The following ORAI2 variants were observed in gnomAD, a reference collection of about 807,000 sequenced individuals.
ORAI2 encodes protein orai-2.
Under a neutral mutation model 16.2 loss-of-function variants are expected in ORAI2, and 10 were observed. The observed-to-expected ratio is 0.62, with a 90% CI of 0.38 to 1.04. The LOEUF (loss-of-function observed/expected upper bound fraction) is 1.04, where lower values mean the gene tolerates loss of function less well. ORAI2 is among the 50% of genes least tolerant of loss of function. The pLI, the probability that ORAI2 is intolerant of heterozygous loss-of-function variation, is 0.01. For synonymous variants in ORAI2, 150 were observed against 157.5 expected, an observed-to-expected ratio of 0.95 and a Z score of 0.35; for missense variants, 238 against 355.5, an observed-to-expected ratio of 0.67 and a Z score of 2.66.
At chr7:102,444,503 C>CCCG (rs1554576552) in intron 3 of ORAI2, among the ~76,000 whole-genome samples, 1 of 125,256 alleles carries the variant, frequency 8.0e-6, no homozygotes, top group East Asian at 2.3e-4. Flanking sequence ...TCCGCCCCCC[C>CCCG]CCGCCCCCCA....
rs367893276 is a variant in ORAI2, at chr7:102,446,990, G to A, written c.703G>A (p.Glu235Lys). 129 of 1,592,112 alleles carry A rather than the reference G, an allele frequency of 8.1e-5. No individual in the cohort carries two copies. The highest frequency in any genetic ancestry group is 1.1e-4 in the Non-Finnish European group (125 of 1,171,788). The change falls in exon 4 of 4, where the codon GAG (glutamate) becomes AAG (lysine). Residue 235 changes from glutamate to lysine, a missense_variant. By Grantham distance (56) the Glu-to-Lys change is moderately conservative (BLOSUM62 1). Transcript: ENST00000495936. ...AACGGAGCGCCACAACCGCGAGATC[G>A]AGGAGCTCCACAAGCTCAAGGTCCA... ...HKTERHNREI[E>K]ELHKLKVQLD...
chr7:102,445,231 G>C (rs1436145802), intron 3 of ORAI2, among the ~76,000 whole-genome samples: 1 of 152,200 alleles, frequency 6.6e-6, no homozygotes, highest in Non-Finnish European at 1.5e-5. Context: ...CAGGTGTGCA[G>C]CTCTGAGTCT....
chr7:102,435,164 G>A (rs1465875085), intron 1 of ORAI2, among the ~76,000 whole-genome samples: 4 of 152,152 alleles, frequency 2.6e-5, no homozygotes, highest in Non-Finnish European at 4.4e-5. Context: ...CCAGCTACTC[G>A]GGTGGTTGAG....
chr7:102,454,472 A>G lies in ORAI2; in HGVS notation c.*7420A>G, dbSNP rs1797599005. 1 of 153,672 alleles carries G rather than the reference A, an allele frequency of 6.5e-6. No individual in the cohort carries two copies. The highest frequency in any genetic ancestry group is 2.4e-5 in the African/African-American group (1 of 41,452). The allele number at this position is 153,672 out of a possible 1,614,324, so 9.5% of individuals were successfully genotyped here. ...TGGGGGACAGGCTGGCTTAACACAAATCGAGGCAGGAATAACCCCAGAGAA... is the reference window on the plus strand; with the variant it reads ...TGGGGGACAGGCTGGCTTAACACAAGTCGAGGCAGGAATAACCCCAGAGAA... On this transcript the variant is annotated 3_prime_UTR_variant, in exon 4 of 4. Transcript: ENST00000495936.
At chr7:102,445,553 C>T (rs890396547) in intron 3 of ORAI2, among the ~76,000 whole-genome samples, 8 of 152,132 alleles carry the variant, frequency 5.3e-5, no homozygotes, top group African/African-American at 1.7e-4. Flanking sequence ...CGGGTTCAAG[C>T]GATCCTCCCA....
intron 3 of ORAI2, among the ~76,000 whole-genome samples, chr7:102,441,411 A>G (rs1416291224): frequency 1.3e-5 from 2 of 151,258 alleles, no homozygotes; most frequent in Non-Finnish European, 2.9e-5. Context: ...GTGGCGGCAG[A>G]TGCCTGTAAT....
At chr7:102,443,439 T>C (rs1349054687) in intron 3 of ORAI2, among the ~76,000 whole-genome samples, 1 of 150,976 alleles carries the variant, frequency 6.6e-6, no homozygotes, top group Non-Finnish European at 1.5e-5. Flanking sequence ...CTTTTCTCCT[T>C]TTAAGGTGGA....
rs984340901 is a variant in ORAI2, at chr7:102,447,333, C to T, written c.*281C>T. The T allele has an allele frequency of 3.5e-5, 16 of 451,466 alleles. 1 individual carries two copies. Among genetic ancestry groups the T allele is most frequent in the Non-Finnish European group, 5.1e-5 (13 of 252,572 alleles). 28.0% of individuals were successfully genotyped at this position (451,466 alleles called of 1,614,324 possible). A position where few individuals can be genotyped will look rare whatever the true frequency, so the allele number is the denominator to read the frequency against. ...GGTGAAGAGGCTCCAGCGGGACCTG[C>T]CCATCAGTCCTGGGCCAGGAGGGGC... On this transcript the variant is annotated 3_prime_UTR_variant, in exon 4 of 4. Coordinates refer to ENST00000495936, the MANE Select transcript of ORAI2 (RefSeq NM_001126340.3).
chr7:102,447,472 G>A lies in ORAI2; in HGVS notation c.*420G>A, dbSNP rs1797402151. ...CAGAGAAGGATTGCCCCAGAGACCC[G>A]TGGTGGACTTCATGGGTGCTGAGTG... On this transcript the variant is annotated 3_prime_UTR_variant, in exon 4 of 4. Transcript: ENST00000495936. The A allele has an allele frequency of 5.2e-6, 1 of 192,820 alleles. No individual in the cohort carries two copies. Among genetic ancestry groups the A allele is most frequent in the Admixed American group, 5.4e-5 (1 of 18,598 alleles). 11.9% of individuals were successfully genotyped at this position (192,820 alleles called of 1,614,324 possible). A position where few individuals can be genotyped will look rare whatever the true frequency, so the allele number is the denominator to read the frequency against.
intron 2 of ORAI2, among the ~76,000 whole-genome samples, 174 bp downstream of exon 2, chr7:102,436,507 GC>G (rs1797061870): frequency 1.3e-5 from 2 of 151,910 alleles, no homozygotes; most frequent in African/African-American, 4.8e-5. Flanking sequence ...ATTATGGGGG[GC>G]TCGACTCTGG....
chr7:102,440,378 C>T (rs1250840304), intron 3 of ORAI2, among the ~76,000 whole-genome samples: 3 of 152,166 alleles, frequency 2.0e-5, no homozygotes, highest in Non-Finnish European at 2.9e-5. Flanking sequence ...AGTCAGTTTC[C>T]GACAAAGCTG....
chr7:102,441,471 G>C (rs1031407868), intron 3 of ORAI2, among the ~76,000 whole-genome samples: 3 of 150,214 alleles, frequency 2.0e-5, no homozygotes, highest in Admixed American at 6.6e-5. Flanking sequence ...CCCGGGAGGC[G>C]GAGGTTGCAC....
rs1190987707 is a variant in ORAI2 at position 102,453,930 on chromosome 7, T to G, written c.*6878T>G. The G allele has an allele frequency of 6.6e-6, 1 of 152,004 alleles. No individual in the cohort carries two copies. Among genetic ancestry groups the G allele is most frequent in the Non-Finnish European group, 1.5e-5 (1 of 68,068 alleles). 9.4% of individuals were successfully genotyped at this position (152,004 alleles called of 1,614,324 possible). Reference sequence around the variant, plus strand: ...TTTTAGTAGAGACGGGGTTTTGCCATGTTGGCCAGGCTGGTCTTGAACTCC... The same window carrying G: ...TTTTAGTAGAGACGGGGTTTTGCCAGGTTGGCCAGGCTGGTCTTGAACTCC... On this transcript the variant is annotated 3_prime_UTR_variant, in exon 4 of 4. Transcript: ENST00000495936.
Position 102,439,111 on chromosome 7 carries a change from A to G in ORAI2, c.155A>G (p.Lys52Arg), listed in dbSNP as rs1352718094. ...TCGGTACAGGCCCTGTCGTGGCGGA[A>G]GCTCTACCTGAGCAGGGCCAAGCTG... ...HHSVQALSWR[K>R]LYLSRAKLKA... Residue 52 changes from lysine to arginine, a missense_variant, in exon 3 of 4, where the codon AAG becomes AGG. Lys to Arg is a conservative substitution (Grantham distance 26). This residue lies in a region of ORAI2 where 61 missense variants were observed against 72.7 expected (regional missense o/e 0.84). Coordinates refer to ENST00000495936, the MANE Select transcript of ORAI2 (RefSeq NM_001126340.3). 6.8e-6 allele frequency: 11 copies of G among 1,613,884 alleles called. No individual in the cohort carries two copies. The Middle Eastern group carries it at 8.2e-4, about 121-fold the overall frequency.
intron 3 of ORAI2, among the ~76,000 whole-genome samples, chr7:102,444,501 C>T (rs893454437): frequency 1.9e-4 from 11 of 58,444 alleles, no homozygotes; most frequent in African/African-American, 3.9e-4. Flanking sequence ...GATCCGCCCC[C>T]CCCCGCCCCC....
chr7:102,438,824 C>A, intron 2 of ORAI2, 120 bp from the exon 3 acceptor site: 2 of 871,074 alleles, frequency 2.3e-6, no homozygotes, highest in South Asian at 1.5e-5. Flanking sequence ...ACTTTCTAAA[C>A]CCCTGGGCTC....
intron 3 of ORAI2, among the ~76,000 whole-genome samples, chr7:102,441,279 C>T (rs62483802): frequency 1 from 150,648 of 151,272 alleles, 75,018 homozygotes; most frequent in Middle Eastern, 1. Context: ...TGGTGGCTCA[C>T]GCCTGTAATC....
rs1267446361 is a variant in ORAI2, at chr7:102,455,829, C to T, written c.*8777C>T. The T allele has an allele frequency of 2.0e-5, 3 of 152,254 alleles. No individual in the cohort carries two copies. The highest frequency in any genetic ancestry group is 2.1e-4 in the South Asian group (1 of 4,832). The allele number at this position is 152,254 out of a possible 1,614,324, so 9.4% of individuals were successfully genotyped here. On this transcript the variant is annotated 3_prime_UTR_variant, in exon 4 of 4. Transcript: ENST00000495936. ...CACGTCCTCCCACCTAGCGGCTGGG[C>T]TCTCACAGCCACTAGAAACCCATCA... is the stretch of plus-strand genomic sequence containing the variant.
intron 3 of ORAI2, among the ~76,000 whole-genome samples, chr7:102,445,856 CCTT>C (rs911810353): frequency 4.6e-5 from 7 of 151,710 alleles, no homozygotes; most frequent in Non-Finnish European, 1.0e-4. Context: ...TCTTTCTTTT[CCTT>C]CTTTCTTTTT....
Sources: allele counts gnomAD v4.1 joint callset (sites outside exome capture counted in the v4.1 genomes callset), GRCh38; gene constraint gnomAD v4.1.1; regional missense constraint gnomAD v4.1.1; transcripts MANE v1.5; gene names NCBI Gene and HGNC (gene_info 2026-07-23, HGNC 2026-07-21).